Variants in XRN1 observed in about 807,000 individuals in gnomAD.
The protein encoded by XRN1 is 5'-3' exoribonuclease 1.
A neutral mutation model predicts 222.3 loss-of-function variants in XRN1; 67 were observed. The observed-to-expected ratio is 0.30, with a 90% CI of 0.25 to 0.37. The LOEUF (loss-of-function observed/expected upper bound fraction) is 0.37, where lower values mean the gene tolerates loss of function less well. XRN1 is among the 10% of genes least tolerant of loss of function. The pLI is 1.00. For synonymous variants in XRN1, 643 were observed against 652.4 expected (o/e 0.99, Z 0.22); for missense variants, 1,707 against 2,000.2 (o/e 0.85, Z 2.80).
rs756443027 is a variant in XRN1, at chr3:142,375,924, G to A, written c.2852C>T (p.Ala951Val). 6.2e-6 allele frequency: 10 copies of A among 1,612,492 alleles called. No homozygotes were observed. In the South Asian group the frequency reaches 9.9e-5, roughly 16 times the overall value. The change falls in exon 25 of 41, where the codon GCA becomes GTA. Residue 951 changes from alanine to valine, a missense_variant. Transcript: ENST00000392981. ...GAATTTGAGATTTAAACCCACATTT[G>A]CTTTATGGTCTCCATGAGGGCTGAA... The part of the protein sequence containing the change: ...SRRNPHGDHK[A>V]NVGLNLKFNK...
intron 37 of XRN1, among the ~76,000 whole-genome samples, chr3:142,326,585 G>A (rs935352234): frequency 2.6e-5 from 4 of 152,004 alleles, no homozygotes; most frequent in Non-Finnish European, 5.9e-5. Flanking sequence ...AACAAGAGTA[G>A]TTTGACTCCT....
At chr3:142,398,915 A>C (rs936819113) in intron 19 of XRN1, among the ~76,000 whole-genome samples, 1 of 152,198 alleles carries the variant, frequency 6.6e-6, no homozygotes, top group African/African-American at 2.4e-5. Flanking sequence ...ATATACTAGC[A>C]GGGGAAACAA....
intron 27 of XRN1, among the ~76,000 whole-genome samples, chr3:142,366,540 T>C (rs146536148): frequency 2.1e-3 from 319 of 152,172 alleles, no homozygotes; most frequent in Non-Finnish European, 3.7e-3. Flanking sequence ...TTGAGGGAGA[T>C]ATACAAGAAA....
At chr3:142,404,083 C>A in intron 16 of XRN1, 94 bp from the exon 17 acceptor site, 1 of 1,096,282 alleles carries the variant, frequency 9.1e-7, no homozygotes, top group South Asian at 1.6e-5. Context: ...TAAGAGTCAT[C>A]CTTGCTTTTA....
chr3:142,350,007 C>G (rs1577267160), intron 32 of XRN1, among the ~76,000 whole-genome samples: 1 of 152,178 alleles, frequency 6.6e-6, no homozygotes, highest in South Asian at 2.1e-4. Context: ...GAACACATAA[C>G]CCCAAATGGG....
At chr3:142,359,675 TC>T (rs2066562755) in intron 30 of XRN1, among the ~76,000 whole-genome samples, 186 bp downstream of exon 30, 1 of 152,178 alleles carries the variant, frequency 6.6e-6, no homozygotes, top group Admixed American at 6.5e-5. Flanking sequence ...CTTAATTACC[TC>T]CCTCACTAAA....
intron 34 of XRN1, among the ~76,000 whole-genome samples, chr3:142,335,095 C>G (rs374916681): frequency 6.6e-6 from 1 of 152,074 alleles, no homozygotes; most frequent in Non-Finnish European, 1.5e-5. Flanking sequence ...CCCACCTTGG[C>G]CTCCCAAAGT....
At chr3:142,391,214 C>A (rs926628956) in intron 20 of XRN1, among the ~76,000 whole-genome samples, 1 of 151,874 alleles carries the variant, frequency 6.6e-6, no homozygotes, top group African/African-American at 2.4e-5. Context: ...TTGTCGCAAG[C>A]CTCTAATTTG....
Position 142,311,895 on chromosome 3 carries a change from C to T in XRN1, c.4783-82G>A, listed in dbSNP as rs952412126. ...TGGAAATTACCATAAACCATGCATGCTGTTAATATTTGTCAATCACAGCTG... is the reference window on the plus strand; with the variant it reads ...TGGAAATTACCATAAACCATGCATGTTGTTAATATTTGTCAATCACAGCTG... On this transcript the variant is annotated intron_variant, in intron 40 of 40. Coordinates refer to ENST00000392981, the MANE Select transcript of XRN1 (RefSeq NM_001282857.2). The T allele has an allele frequency of 6.6e-6, 9 of 1,372,666 alleles. No homozygotes were observed. The African/African-American group carries it at 1.3e-4, about 20-fold the overall frequency. 85.0% of individuals were successfully genotyped at this position (1,372,666 alleles called of 1,614,324 possible).
At chr3:142,441,641 G>C (rs1037986893) in intron 1 of XRN1, among the ~76,000 whole-genome samples, 116 of 152,214 alleles carry the variant, frequency 7.6e-4, no homozygotes, top group African/African-American at 2.6e-3. Flanking sequence ...GACACCTCAT[G>C]ATGTGAATGG....
At chr3:142,397,706 A>T (rs1301941051) in intron 19 of XRN1, among the ~76,000 whole-genome samples, 1 of 152,210 alleles carries the variant, frequency 6.6e-6, no homozygotes, top group Admixed American at 6.5e-5. Flanking sequence ...AGGAAGAAGA[A>T]GATAAGTTGG....
intron 22 of XRN1, among the ~76,000 whole-genome samples, 168 bp from the exon 23 acceptor site, chr3:142,380,348 G>A (rs751064092): frequency 1.2e-4 from 19 of 152,190 alleles, no homozygotes; most frequent in South Asian, 6.2e-4. Context: ...TCACTGTATC[G>A]TTGCTTTAAT....
At chr3:142,438,279 C>T (rs886276452) in intron 1 of XRN1, among the ~76,000 whole-genome samples, 5 of 151,542 alleles carry the variant, frequency 3.3e-5, no homozygotes, top group Admixed American at 2.0e-4. Context: ...TGGGGAGTTA[C>T]GCACCCTGGA....
intron 27 of XRN1, among the ~76,000 whole-genome samples, chr3:142,369,313 T>C (rs560940201): frequency 1.2e-4 from 18 of 152,208 alleles, no homozygotes; most frequent in African/African-American, 4.1e-4. Flanking sequence ...TTGAGGGAGT[T>C]CAAAAATTTT....
intron 37 of XRN1, among the ~76,000 whole-genome samples, chr3:142,327,732 T>C (rs147925999): frequency 2.6e-5 from 4 of 152,314 alleles, no homozygotes; most frequent in African/African-American, 7.2e-5. Flanking sequence ...CATGGATTTA[T>C]TGCAGAGTGG....
At chr3:142,424,951 G>C (rs1347811239) in intron 5 of XRN1, among the ~76,000 whole-genome samples, 2 of 152,052 alleles carry the variant, frequency 1.3e-5, no homozygotes, top group Non-Finnish European at 1.5e-5. Flanking sequence ...GGGTAAAAAA[G>C]CAGCCCCATT....
chr3:142,422,013 A>T (rs1409928405), intron 8 of XRN1, among the ~76,000 whole-genome samples: 1 of 152,222 alleles, frequency 6.6e-6, no homozygotes, highest in Non-Finnish European at 1.5e-5. Flanking sequence ...TGAAAAAAGT[A>T]AAACCAATAA....
At chr3:142,381,780 T>A (rs1318701576) in intron 22 of XRN1, among the ~76,000 whole-genome samples, 3 of 152,090 alleles carry the variant, frequency 2.0e-5, no homozygotes, top group African/African-American at 7.2e-5. Context: ...TTGGCCAGCC[T>A]GGTCTCGAAC....
rs142529106 is a variant in XRN1, at chr3:142,375,086, A to T, written c.2978+712T>A. On this transcript the variant is annotated intron_variant, in intron 25 of 40. Transcript: ENST00000392981. ...ATGCTTCCCTAGTGCCTTCAGAGGGACCATCATTGTCCTGCAATATCTCGA... is the reference window on the plus strand; with the variant it reads ...ATGCTTCCCTAGTGCCTTCAGAGGGTCCATCATTGTCCTGCAATATCTCGA... Among the ~76,000 whole-genome samples the T allele has an allele frequency of 5.9e-5, 9 of 152,318 alleles. 1 individual carries two copies. The East Asian group carries it at 1.5e-3, about 26-fold the overall frequency.
Sources: gnomAD v4.1 joint callset for allele counts (sites outside exome capture counted in the v4.1 genomes callset) on GRCh38, gnomAD v4.1.1 for gene constraint, MANE v1.5 for transcripts, NCBI Gene and HGNC (gene_info 2026-07-23, HGNC 2026-07-21) for gene names.